The following XKR9 variants were observed in gnomAD, a reference collection of about 807,000 sequenced individuals.
XKR9 encodes XK-related protein 9.
In XKR9, 32 loss-of-function variants were observed where a neutral mutation model predicts 32.0. That is an observed-to-expected ratio of 1.00 (90% CI 0.76 to 1.34). The LOEUF (loss-of-function observed/expected upper bound fraction) is 1.34, where lower values mean the gene tolerates loss of function less well. XKR9 is among the 40% of genes most tolerant of loss of function. XKR9 has a pLI of 0.00. For synonymous variants in XKR9, 168 were observed against 143.4 expected, an observed-to-expected ratio of 1.17 and a Z score of -1.22; for missense variants, 546 against 429.7, an observed-to-expected ratio of 1.27 and a Z score of -2.39.
chr8:70,750,641 A>G (rs1807126672), intron 2 of XKR9, among the ~76,000 whole-genome samples: 1 of 152,182 alleles, frequency 6.6e-6, no homozygotes, highest in Non-Finnish European at 1.5e-5. Flanking sequence ...TTGATATATA[A>G]TTCATACAAT....
chr8:71,004,681 T>G, the XKR9 span, among the ~76,000 whole-genome samples: 1 of 152,096 alleles, frequency 6.6e-6, no homozygotes, highest in African/African-American at 2.4e-5. Context: ...CACAAGTGGT[T>G]GTGAAGCTTG....
At chr8:70,926,370 C>T in the XKR9 span, among the ~76,000 whole-genome samples, 1 of 152,218 alleles carries the variant, frequency 6.6e-6, no homozygotes, top group Non-Finnish European at 1.5e-5. Flanking sequence ...TGCACCTGGC[C>T]ATAACCAATT....
the XKR9 span, among the ~76,000 whole-genome samples, chr8:70,860,361 A>C: frequency 6.6e-6 from 1 of 152,090 alleles, no homozygotes; most frequent in Non-Finnish European, 1.5e-5. Flanking sequence ...GGCAGTCTGC[A>C]ACCCAGAACA....
chr8:70,879,656 G>T, the XKR9 span, among the ~76,000 whole-genome samples: 48,216 of 151,802 alleles, frequency 0.32, 8,975 homozygotes, highest in Non-Finnish European at 0.43. Flanking sequence ...TGAAATAGAG[G>T]TAATAATTAA....
the XKR9 span, among the ~76,000 whole-genome samples, chr8:70,933,641 G>A: frequency 6.6e-6 from 1 of 152,086 alleles, no homozygotes; most frequent in Non-Finnish European, 1.5e-5. Flanking sequence ...TAAGTGATAA[G>A]AATCACTTAG....
At chr8:70,724,528 A>T (rs547744453) in intron 4 of XKR9, among the ~76,000 whole-genome samples, 2 of 152,208 alleles carry the variant, frequency 1.3e-5, no homozygotes, top group Admixed American at 1.3e-4. Flanking sequence ...GTGTAGGCAC[A>T]TGAAGGTTCT....
the XKR9 span, among the ~76,000 whole-genome samples, chr8:70,944,350 A>T: frequency 6.6e-6 from 1 of 152,242 alleles, no homozygotes; most frequent in African/African-American, 2.4e-5. Flanking sequence ...TGCCAAACAC[A>T]GAAAATCTCT....
chr8:70,916,313 G>A, the XKR9 span, among the ~76,000 whole-genome samples: 19 of 152,108 alleles, frequency 1.2e-4, no homozygotes, highest in African/African-American at 4.1e-4. Flanking sequence ...ATCTTTGTCC[G>A]TTGATTTTCA....
At chr8:70,924,373 A>G in the XKR9 span, among the ~76,000 whole-genome samples, 1 of 152,102 alleles carries the variant, frequency 6.6e-6, no homozygotes. Flanking sequence ...TTAAAATGCA[A>G]ATTTGACCAT....
the XKR9 span, among the ~76,000 whole-genome samples, chr8:70,851,510 T>G: frequency 6.6e-6 from 1 of 152,130 alleles, no homozygotes; most frequent in East Asian, 1.9e-4. Context: ...GCTGGAGACA[T>G]CACACTCCCT....
At chr8:71,030,004 G>A in the XKR9 span, among the ~76,000 whole-genome samples, 1 of 151,452 alleles carries the variant, frequency 6.6e-6, no homozygotes, top group East Asian at 1.9e-4. Flanking sequence ...TTCTTAAAAG[G>A]AAATGTGTGA....
the XKR9 span, among the ~76,000 whole-genome samples, chr8:70,922,787 T>A: frequency 6.6e-6 from 1 of 152,352 alleles, no homozygotes; most frequent in Non-Finnish European, 1.5e-5. Context: ...CAACTCTGGT[T>A]CTGTGGCAAG....
Position 70,776,954 on chromosome 8 carries a change from T to TATATATATATATATATATATATATAC in XKR9, n.353-12375_353-12374insATATATATATATATACATATATATAT, listed in dbSNP as rs1286110884. 5.3e-3 allele frequency among the ~76,000 whole-genome samples: 468 copies of TATATATATATATATATATATATATAC among 87,490 alleles called. 3 individuals carry two copies. The highest frequency in any genetic ancestry group is 7.3e-3 in the Non-Finnish European group (241 of 33,172). 57.4% of individuals were successfully genotyped at this position (87,490 alleles called of 152,430 possible). A position where few individuals can be genotyped will look rare whatever the true frequency, so the allele number is the denominator to read the frequency against. ...CTCTCTCTCTCTCTCTCTCTATATA[T>TATATATATATATATATATATATATAC]ATATATATATGTATGTATTATACTT... On this transcript the variant is annotated intron_variant and non_coding_transcript_variant, in intron 2 of 3. Transcript: ENST00000520273.
chr8:71,064,017 T>G, the XKR9 span, among the ~76,000 whole-genome samples: 2 of 152,230 alleles, frequency 1.3e-5, no homozygotes, highest in African/African-American at 4.8e-5. Flanking sequence ...TTACACTCTA[T>G]TAACTAAAAC....
At chr8:71,027,606 A>C in the XKR9 span, among the ~76,000 whole-genome samples, 1 of 152,076 alleles carries the variant, frequency 6.6e-6, no homozygotes, top group African/African-American at 2.4e-5. Flanking sequence ...TGTAGATGCT[A>C]GAGGTGGGAA....
chr8:70,803,780 A>G, the XKR9 span, among the ~76,000 whole-genome samples: 1 of 152,210 alleles, frequency 6.6e-6, no homozygotes, highest in Non-Finnish European at 1.5e-5. Context: ...TCCCTCAGGC[A>G]GGGACTGCAT....
At chr8:70,876,454 G>A in the XKR9 span, among the ~76,000 whole-genome samples, 1 of 151,882 alleles carries the variant, frequency 6.6e-6, no homozygotes, top group Non-Finnish European at 1.5e-5. Flanking sequence ...TGGGTGAGTA[G>A]GCAAGCACAC....
chr8:70,746,723 C>A (rs1309681421), intron 2 of XKR9, among the ~76,000 whole-genome samples: 1 of 151,600 alleles, frequency 6.6e-6, no homozygotes, highest in Admixed American at 6.6e-5. Flanking sequence ...TTCCCCAAAA[C>A]TCATGCTTAA....
At chr8:71,017,963 T>G in the XKR9 span, among the ~76,000 whole-genome samples, 1 of 152,232 alleles carries the variant, frequency 6.6e-6, no homozygotes, top group East Asian at 1.9e-4. Flanking sequence ...CTTTCAGGTT[T>G]GAGAATTCAG....
Sources: gnomAD v4.1 joint callset for allele counts (sites outside exome capture counted in the v4.1 genomes callset) on GRCh38, gnomAD v4.1.1 for gene constraint, MANE v1.5 for transcripts, NCBI Gene and HGNC (gene_info 2026-07-23, HGNC 2026-07-21) for gene names.